HGF: variants seen among roughly 807,000 people sequenced by gnomAD.
HGF encodes the protein hepatocyte growth factor, also known as fibroblast-derived tumor cytotoxic factor.
In HGF, 39 loss-of-function variants were observed where a neutral mutation model predicts 111.6. That is an observed-to-expected ratio of 0.35 (90% CI 0.27 to 0.46). HGF has a LOEUF of 0.46. Ranked by LOEUF, HGF falls within the 20% of genes least tolerant of loss-of-function variation. The pLI is 1.00. For missense variants in HGF, 735 were observed against 910.5 expected (o/e 0.81, Z 2.48); for synonymous variants, 285 against 294.8 (o/e 0.97, Z 0.34).
chr7:81,720,440 A>G (rs1789823020), intron 10 of HGF, among the ~76,000 whole-genome samples: 1 of 152,204 alleles, frequency 6.6e-6, no homozygotes, highest in Non-Finnish European at 1.5e-5. Flanking sequence ...ATGTGACCGT[A>G]TCCTCCTTGG....
chr7:81,712,571 A>T (rs1316366843), intron 11 of HGF, among the ~76,000 whole-genome samples: 2 of 152,210 alleles, frequency 1.3e-5, no homozygotes, highest in African/African-American at 4.8e-5. Flanking sequence ...TAATTGCCAC[A>T]AATAAGAGAA....
At chr7:81,755,806 T>A (rs2116160317) in intron 4 of HGF, 1 of 548,626 alleles carries the variant, frequency 1.8e-6, no homozygotes, top group South Asian at 2.4e-5. Flanking sequence ...TTCTACATAA[T>A]TGTAAGTAAC....
Position 81,702,355 on chromosome 7 carries a change from G to T in HGF, c.*226C>A. 2.0e-6 allele frequency: 1 copy of T among 494,940 alleles called. No individual in the cohort carries two copies. Among genetic ancestry groups the T allele is most frequent in the South Asian group, 2.6e-5 (1 of 37,796 alleles). The allele number at this position is 494,940 out of a possible 1,614,324, so 30.7% of individuals were successfully genotyped here. Reference sequence around the variant, plus strand: ...CCATTCAAGTATCTTCAGGAGATATGTTATTACACTTGCATGTACCTTAAT... The same window carrying T: ...CCATTCAAGTATCTTCAGGAGATATTTTATTACACTTGCATGTACCTTAAT... On this transcript the variant is annotated 3_prime_UTR_variant, in exon 18 of 18. Coordinates refer to ENST00000222390, the MANE Select transcript of HGF (RefSeq NM_000601.6).
intron 7 of HGF, among the ~76,000 whole-genome samples, chr7:81,742,393 A>T (rs1484092058): frequency 6.6e-6 from 1 of 152,166 alleles, no homozygotes; most frequent in African/African-American, 2.4e-5. Context: ...TGCCCTCTTA[A>T]TTATATATTT....
intron 2 of HGF, among the ~76,000 whole-genome samples, chr7:81,760,433 A>G (rs1789008659): frequency 6.6e-6 from 1 of 152,204 alleles, no homozygotes; most frequent in Non-Finnish European, 1.5e-5. Context: ...GAAAAACAAT[A>G]TTTAAGAATG....
chr7:81,717,372 A>T lies in HGF; in HGVS notation c.1272-7T>A. ...TGGTTCCCAGAAGATATGACTGTGG[A>T]AACAACAGGCCTTGCACATCACAAG... On this transcript the variant is annotated splice_region_variant and splice_polypyrimidine_tract_variant and intron_variant, in intron 10 of 17. Coordinates refer to ENST00000222390, the MANE Select transcript of HGF (RefSeq NM_000601.6). 1 of 1,612,666 alleles carries T rather than the reference A, an allele frequency of 6.2e-7. No individual in the cohort carries two copies. The highest frequency in any genetic ancestry group is 8.5e-7 in the Non-Finnish European group (1 of 1,178,782).
At chr7:81,750,468 T>C (rs977754152) in intron 5 of HGF, among the ~76,000 whole-genome samples, 2 of 151,936 alleles carry the variant, frequency 1.3e-5, no homozygotes, top group Non-Finnish European at 2.9e-5. Context: ...CTAAGGGAGG[T>C]GTGATGATCT....
intron 5 of HGF, chr7:81,750,904 C>A (rs781139557): frequency 5.2e-5 from 44 of 852,546 alleles, no homozygotes; most frequent in Non-Finnish European, 6.2e-5. Context: ...AAAACGTGAT[C>A]ATAGAAAAGT....
In HGF at chr7:81,769,930, A is replaced by G. The variant is rs1434354473; in HGVS notation, c.42T>C (p.His14=). The G allele has an allele frequency of 2.6e-6, 4 of 1,567,628 alleles. No homozygotes were observed. The highest frequency in any genetic ancestry group is 1.2e-5 in the South Asian group (1 of 85,084). Residue 14 remains histidine (H), a synonymous_variant, in exon 1 of 18, where the codon CAT becomes CAC. Transcript: ENST00000222390. ...GGAGCAGGAGGAGATGCAGGAGGAC[A>G]TGCTGCAGCAGCAGGGCTGGCAGGA... ...TKLLPALLLQ[H]VLLHLLLLPI...
At position 81,699,650 on chromosome 7, in the gene HGF, A is replaced by C. The variant is rs1562866970; in HGVS notation, c.*2931T>G. 1 of 151,652 alleles carries C rather than the reference A, an allele frequency of 6.6e-6. No individual in the cohort carries two copies. The highest frequency in any genetic ancestry group is 1.5e-5 in the Non-Finnish European group (1 of 67,708). 9.4% of individuals were successfully genotyped at this position (151,652 alleles called of 1,614,324 possible). A position where few individuals can be genotyped will look rare whatever the true frequency, so the allele number is the denominator to read the frequency against. The stretch of plus-strand genomic sequence containing the variant: ...AAACAACAATGAAATGCCTGACAGC[A>C]ATTTCCCACTTCTTGACAGTGTTCT... On this transcript the variant is annotated 3_prime_UTR_variant, in exon 18 of 18. Coordinates refer to ENST00000222390, the MANE Select transcript of HGF (RefSeq NM_000601.6).
Position 81,751,929 on chromosome 7 carries a change from T to G in HGF, c.625+191A>C. The stretch of plus-strand genomic sequence containing the variant: ...AAACTGATAACTCGCTCTGTTATTT[T>G]GCATTAATCTGGTGATAATCCAACA... On this transcript the variant is annotated intron_variant, in intron 5 of 17. Transcript: ENST00000222390. 2.1e-6 allele frequency: 3 copies of G among 1,408,734 alleles called. No homozygotes were observed. The South Asian group carries it at 4.7e-5, about 22-fold the overall frequency. The allele number at this position is 1,408,734 out of a possible 1,614,324, so 87.3% of individuals were successfully genotyped here.
intron 2 of HGF, among the ~76,000 whole-genome samples, chr7:81,760,441 A>G (rs1789008810): frequency 6.6e-6 from 1 of 152,154 alleles, no homozygotes; most frequent in South Asian, 2.1e-4. Flanking sequence ...ATATTTAAGA[A>G]TGTTCCACCT....
At chr7:81,737,859 A>G (rs1004100385) in intron 7 of HGF, among the ~76,000 whole-genome samples, 1 of 152,196 alleles carries the variant, frequency 6.6e-6, no homozygotes, top group African/African-American at 2.4e-5. Context: ...GTCAAAGAGT[A>G]TAAAGGTATC....
At position 81,758,705 on chromosome 7, in the gene HGF, G is replaced by A. The variant is rs769553578; in HGVS notation, c.354C>T (p.Leu118=). The stretch of plus-strand genomic sequence containing the variant: ...GAAGTCAGTTACCTTTGTTTTCATA[G>A]AGGTCAAATTCATGGCCAAATTCTT... ...VKKEFGHEFD[L]YENKDYIRNC... Residue 118 remains leucine, a synonymous_variant, in exon 3 of 18, where the codon CTC becomes CTT. Coordinates refer to ENST00000222390, the MANE Select transcript of HGF (RefSeq NM_000601.6). The A allele has an allele frequency of 5.7e-6, 9 of 1,592,112 alleles. No individual in the cohort carries two copies. Among genetic ancestry groups the A allele is most frequent in the Non-Finnish European group, 6.9e-6 (8 of 1,160,656 alleles).
intron 7 of HGF, among the ~76,000 whole-genome samples, chr7:81,735,090 G>A (rs2115961595): frequency 6.6e-6 from 1 of 152,092 alleles, no homozygotes; most frequent in South Asian, 2.1e-4. Flanking sequence ...AACAATACTT[G>A]TGCTCTGTGG....
In HGF at chr7:81,700,534, T is replaced by A. The variant is rs943562420; in HGVS notation, c.*2047A>T. ...TAAAGAAGTATTTTTAAAATGTGAGTATTTAAAATTATGACAATTTTTATA... is the reference window on the plus strand; with the variant it reads ...TAAAGAAGTATTTTTAAAATGTGAGAATTTAAAATTATGACAATTTTTATA... On this transcript the variant is annotated 3_prime_UTR_variant, in exon 18 of 18. Coordinates refer to ENST00000222390, the MANE Select transcript of HGF (RefSeq NM_000601.6). 4 of 151,642 alleles carry A rather than the reference T, an allele frequency of 2.6e-5. No individual in the cohort carries two copies. Among genetic ancestry groups the A allele is most frequent in the Non-Finnish European group, 5.9e-5 (4 of 67,702 alleles). 9.4% of individuals were successfully genotyped at this position (151,642 alleles called of 1,614,324 possible). A position where few individuals can be genotyped will look rare whatever the true frequency, so the allele number is the denominator to read the frequency against.
intron 11 of HGF, among the ~76,000 whole-genome samples, chr7:81,713,167 G>C (rs185903836): frequency 4.4e-3 from 663 of 152,224 alleles, no homozygotes; most frequent in Non-Finnish European, 6.0e-3. Flanking sequence ...TAAGCATTAA[G>C]CTAATAGGTC....
intron 9 of HGF, among the ~76,000 whole-genome samples, chr7:81,721,068 A>G (rs1322882513): frequency 6.6e-6 from 1 of 152,096 alleles, no homozygotes; most frequent in Non-Finnish European, 1.5e-5. Context: ...ACACGGTGAA[A>G]CCCTGTCTCT....
In HGF at chr7:81,752,125, G is replaced by A. The variant is rs377663087; in HGVS notation, c.620C>T (p.Ser207Leu). ...TGGCATTCAGGTTTATTTACCTTCT[G>A]AACACTGAGGAATGTCACAGACTTC... ...RYEVCDIPQC[S>L]EVECMTCNGE... The change falls in exon 5 of 18, where the codon TCA becomes TTA. Residue 207 changes from serine to leucine, a missense_variant. By Grantham distance (145) the Ser-to-Leu change is moderately radical (BLOSUM62 -2). Coordinates refer to ENST00000222390, the MANE Select transcript of HGF (RefSeq NM_000601.6). The A allele has an allele frequency of 1.9e-6, 3 of 1,613,362 alleles. No homozygotes were observed. Among genetic ancestry groups the A allele is most frequent in the Non-Finnish European group, 2.5e-6 (3 of 1,179,520 alleles).
Sources: allele counts gnomAD v4.1 joint callset (sites outside exome capture counted in the v4.1 genomes callset), GRCh38; gene constraint gnomAD v4.1.1; transcripts MANE v1.5; gene names NCBI Gene and HGNC (gene_info 2026-07-23, HGNC 2026-07-21).